Variants in INPP5F observed in about 807,000 individuals in gnomAD.
The protein encoded by INPP5F is inositol polyphosphate-5-phosphatase F.
Under a neutral mutation model 137.2 loss-of-function variants are expected in INPP5F, and 97 were observed. The observed-to-expected ratio is 0.71, with a 90% CI of 0.60 to 0.84. The LOEUF (loss-of-function observed/expected upper bound fraction) is 0.84. Ranked by LOEUF, INPP5F falls within the 40% of genes least tolerant of loss-of-function variation. The pLI is 0.00. For missense variants in INPP5F, 1,271 were observed against 1,371.9 expected (o/e 0.93, Z 1.16); for synonymous variants, 504 against 476.9 (o/e 1.06, Z -0.74).
At chr10:119,749,528 T>G (rs1391989215) in intron 1 of INPP5F, among the ~76,000 whole-genome samples, 1 of 152,228 alleles carries the variant, frequency 6.6e-6, no homozygotes, top group Non-Finnish European at 1.5e-5. Flanking sequence ...ACTGCCTTAC[T>G]GATTAGTTCC....
chr10:119,742,398 C>T (rs1848402399), intron 1 of INPP5F, among the ~76,000 whole-genome samples: 1 of 152,048 alleles, frequency 6.6e-6, no homozygotes, highest in Non-Finnish European at 1.5e-5. Flanking sequence ...CCTCGTGATC[C>T]ACCTGCCTTG....
chr10:119,740,836 C>T (rs959993658), intron 1 of INPP5F, among the ~76,000 whole-genome samples: 2 of 152,268 alleles, frequency 1.3e-5, no homozygotes, highest in African/African-American at 4.8e-5. Context: ...CCACTGTGCC[C>T]GGCCCCATAC....
intron 1 of INPP5F, among the ~76,000 whole-genome samples, chr10:119,731,706 CAG>C (rs1391936014): frequency 6.6e-6 from 1 of 152,132 alleles, no homozygotes; most frequent in African/African-American, 2.4e-5. Flanking sequence ...ATTACCATGA[CAG>C]AATTTAATAG....
intron 1 of INPP5F, among the ~76,000 whole-genome samples, chr10:119,747,339 A>C (rs2134118918): frequency 6.6e-6 from 1 of 151,986 alleles, no homozygotes; most frequent in African/African-American, 2.4e-5. Context: ...CTCATGCCTC[A>C]GCCTCCCAAG....
intron 2 of INPP5F, among the ~76,000 whole-genome samples, chr10:119,775,625 C>G (rs1443767788): frequency 1.3e-5 from 2 of 151,370 alleles, no homozygotes; most frequent in East Asian, 1.9e-4. Context: ...TCTTTACTTT[C>G]TAGATTTGGA....
chr10:119,827,534 A>G lies in INPP5F; in HGVS notation c.3153A>G (p.Thr1051=), dbSNP rs769876404. The G allele has an allele frequency of 5.0e-6, 8 of 1,614,168 alleles. No homozygotes were observed. The highest frequency in any genetic ancestry group is 6.8e-6 in the Non-Finnish European group (8 of 1,180,006). ...CTTCCAGCATGCTTGAACTTGAGAC[A>G]GGGCTTCATGTAACTCCTTCTCCTT... The part of the protein sequence containing the change: ...TSASSMLELE[T]GLHVTPSPSE... The change falls in exon 20 of 20, where the codon ACA becomes ACG. Residue 1051 remains threonine (T), a synonymous_variant. Transcript: ENST00000650623.
chr10:119,773,609 A>G (rs1453806455), intron 2 of INPP5F, among the ~76,000 whole-genome samples: 1 of 152,018 alleles, frequency 6.6e-6, no homozygotes, highest in Non-Finnish European at 1.5e-5. Context: ...TCATTTTTAC[A>G]TAGGTCGTGT....
intron 17 of INPP5F, 29 bp downstream of exon 17, chr10:119,822,533 C>T (rs1449405149): frequency 9.2e-7 from 1 of 1,091,736 alleles, no homozygotes; most frequent in East Asian, 2.5e-5. Flanking sequence ...ATCAAGTCAT[C>T]AAAAGCAAAT....
chr10:119,814,387 A>T, intron 15 of INPP5F: 1 of 152,050 alleles, frequency 6.6e-6, no homozygotes, highest in South Asian at 2.1e-4. Context: ...GCTCCATCTC[A>T]AAATAAATAA....
intron 2 of INPP5F, among the ~76,000 whole-genome samples, chr10:119,772,100 A>G (rs1025241087): frequency 7.3e-5 from 11 of 151,428 alleles, no homozygotes; most frequent in African/African-American, 2.7e-4. Flanking sequence ...GGGTTTCACC[A>G]TGTTAGCCAG....
intron 1 of INPP5F, among the ~76,000 whole-genome samples, chr10:119,744,250 G>C (rs1033094005): frequency 1.3e-5 from 2 of 152,076 alleles, no homozygotes; most frequent in Admixed American, 6.5e-5. Flanking sequence ...AGCACACATA[G>C]AACACTTGCA....
At chr10:119,745,790 C>T (rs1848514475) in intron 1 of INPP5F, among the ~76,000 whole-genome samples, 1 of 150,228 alleles carries the variant, frequency 6.7e-6, no homozygotes. Context: ...CTGCAACCTC[C>T]ACCTCCTGGG....
At position 119,791,629 on chromosome 10, in the gene INPP5F, C is replaced by G; in HGVS notation, c.428C>G (p.Ala143Gly). The G allele has an allele frequency of 6.2e-7, 1 of 1,602,976 alleles. No individual in the cohort carries two copies. Among genetic ancestry groups the G allele is most frequent in the Non-Finnish European group, 8.5e-7 (1 of 1,171,330 alleles). ...TFTHIKSNVS[A>G]PNKKKVKESK... ...ACGCATATTAAATCCAATGTGTCTG[C>G]TCCTAATAAAAAGAAAGTAAGAGTT... is the stretch of plus-strand genomic sequence containing the variant. Residue 143 changes from alanine (A) to glycine (G), a missense_variant, in exon 4 of 20, where the codon GCT becomes GGT. By Grantham distance (60) the Ala-to-Gly change is moderately conservative. This residue lies in a region of INPP5F where 62 missense variants were observed against 55.0 expected (regional missense o/e 1.13). Coordinates refer to ENST00000650623, the MANE Select transcript of INPP5F (RefSeq NM_014937.4).
intron 1 of INPP5F, among the ~76,000 whole-genome samples, chr10:119,742,695 G>T (rs1321113773): frequency 6.6e-6 from 1 of 152,114 alleles, no homozygotes; most frequent in Non-Finnish European, 1.5e-5. Flanking sequence ...TATGGTGTTA[G>T]AAAGAGCCCT....
rs560023710 is a variant in INPP5F at position 119,801,652 on chromosome 10, A to G, written c.1117-2521A>G. ...CTACACAAAAGGCTGAAGTGGGAGA[A>G]TCACTTGAGCCCAGCAGGTGAAGGC... On this transcript the variant is annotated intron_variant, in intron 9 of 19. Coordinates refer to ENST00000650623, the MANE Select transcript of INPP5F (RefSeq NM_014937.4). Among the ~76,000 whole-genome samples, 5 of 152,336 alleles carry G rather than the reference A, an allele frequency of 3.3e-5. No homozygotes were observed. In the East Asian group the frequency reaches 9.6e-4, roughly 29 times the overall value.
intron 2 of INPP5F, among the ~76,000 whole-genome samples, chr10:119,756,159 A>G (rs1312443968): frequency 1.3e-5 from 2 of 151,696 alleles, no homozygotes; most frequent in African/African-American, 4.8e-5. Context: ...CTGTCTCAAG[A>G]AAACAAACAA....
At chr10:119,733,445 T>G (rs553486031) in intron 1 of INPP5F, among the ~76,000 whole-genome samples, 1 of 152,348 alleles carries the variant, frequency 6.6e-6, no homozygotes, top group African/African-American at 2.4e-5. Flanking sequence ...TGCATTGACA[T>G]GTGTACTCAT....
At chr10:119,786,386 A>T (rs548177698) in intron 3 of INPP5F, among the ~76,000 whole-genome samples, 108 of 152,278 alleles carry the variant, frequency 7.1e-4, no homozygotes, top group African/African-American at 2.4e-3. Flanking sequence ...TAAACAAAAT[A>T]CCTTAGGACT....
At chr10:119,776,412 T>G (rs1399284334) in intron 2 of INPP5F, among the ~76,000 whole-genome samples, 1 of 152,144 alleles carries the variant, frequency 6.6e-6, no homozygotes, top group Non-Finnish European at 1.5e-5. Flanking sequence ...TACCATGTTT[T>G]TGTGGGAAAA....
Sources: allele counts gnomAD v4.1 joint callset (sites outside exome capture counted in the v4.1 genomes callset), GRCh38; gene constraint gnomAD v4.1.1; regional missense constraint gnomAD v4.1.1; transcripts MANE v1.5; gene names NCBI Gene and HGNC (gene_info 2026-07-23, HGNC 2026-07-21).